Variants in SH3D19 observed in about 807,000 individuals in gnomAD.
SH3D19 encodes the protein SH3 domain containing 19.
Under a neutral mutation model 112.1 loss-of-function variants are expected in SH3D19, and 58 were observed. The observed-to-expected ratio is 0.52, with a 90% CI of 0.42 to 0.64. SH3D19 has a LOEUF of 0.64. Ranked by LOEUF, SH3D19 falls within the 30% of genes least tolerant of loss-of-function variation. The pLI, the probability that SH3D19 is intolerant of heterozygous loss-of-function variation, is 0.00. For synonymous variants in SH3D19, 391 were observed against 448.5 expected (o/e 0.87, Z 1.62); for missense variants, 1,090 against 1,263.4 (o/e 0.86, Z 2.08).
chr4:151,143,984 C>G lies in SH3D19; in HGVS notation c.2149G>C (p.Asp717His), dbSNP rs186592293. Residue 717 changes from aspartate to histidine, a missense_variant, in exon 12 of 20, where the codon GAC becomes CAC. By Grantham distance (81) the Asp-to-His change is moderately conservative. Transcript: ENST00000604030. ...NNYLECQKGE[D>H]TGRVHLSQMK... Reference sequence around the variant, plus strand: ...TGAGACAGGTGAACTCTGCCAGTGTCTTCTCCCTTTTGGCACTCCAAGTAA... The same window carrying G: ...TGAGACAGGTGAACTCTGCCAGTGTGTTCTCCCTTTTGGCACTCCAAGTAA... 15 of 1,614,118 alleles carry G rather than the reference C, an allele frequency of 9.3e-6. No homozygotes were observed. The African/African-American group carries it at 2.0e-4, about 22-fold the overall frequency.
chr4:151,193,800 A>G (rs1763001103), intron 2 of SH3D19, among the ~76,000 whole-genome samples: 1 of 152,212 alleles, frequency 6.6e-6, no homozygotes, highest in Admixed American at 6.5e-5. Context: ...AGAAAGATTA[A>G]GAACTGTGGG....
At chr4:151,279,814 A>G (rs1561425614) in intron 1 of SH3D19, 2 of 1,613,726 alleles carry the variant, frequency 1.2e-6, no homozygotes, top group Non-Finnish European at 1.7e-6. Flanking sequence ...CAACCTGTAT[A>G]CTCCAGCCGC....
intron 7 of SH3D19, among the ~76,000 whole-genome samples, chr4:151,173,033 G>A (rs879906280): frequency 2.0e-5 from 3 of 152,184 alleles, no homozygotes; most frequent in Non-Finnish European, 4.4e-5. Flanking sequence ...AAAAGGCTGA[G>A]TATGAAGCAT....
chr4:151,150,250 T>A (rs7690995), intron 9 of SH3D19, among the ~76,000 whole-genome samples: 1 of 107,160 alleles, frequency 9.3e-6, no homozygotes, highest in African/African-American at 3.7e-5. Context: ...TATATATATA[T>A]ACACACATAT....
chr4:151,139,387 C>CAG (rs1752555702), intron 13 of SH3D19, among the ~76,000 whole-genome samples: 1 of 149,472 alleles, frequency 6.7e-6, no homozygotes, highest in Non-Finnish European at 1.5e-5. Context: ...CTCCTGACCT[C>CAG]GTGATCCGCC....
At position 151,299,017 on chromosome 4, in the gene SH3D19, T is replaced by C. The variant is rs1005706179; in HGVS notation, c.112+26224A>G. Among the ~76,000 whole-genome samples the C allele has an allele frequency of 3.9e-5, 6 of 152,210 alleles. No individual in the cohort carries two copies. In the East Asian group the frequency reaches 1.2e-3, roughly 29 times the overall value. On this transcript the variant is annotated intron_variant, in intron 1 of 19. Coordinates refer to ENST00000604030, the MANE Select transcript of SH3D19 (RefSeq NM_001378122.1). ...ACCCTCTAACCTTTCTTCTCATACTTAAGGATTTGGTCATGGTCAATATGC... is the reference window on the plus strand; with the variant it reads ...ACCCTCTAACCTTTCTTCTCATACTCAAGGATTTGGTCATGGTCAATATGC...
intron 4 of SH3D19, among the ~76,000 whole-genome samples, chr4:151,177,991 C>T (rs1760221392): frequency 6.6e-6 from 1 of 152,202 alleles, no homozygotes; most frequent in Non-Finnish European, 1.5e-5. Context: ...TGCAGTGGCA[C>T]AATCATAGCT....
At chr4:151,317,007 A>G (rs1730053957) in intron 1 of SH3D19, among the ~76,000 whole-genome samples, 1 of 152,180 alleles carries the variant, frequency 6.6e-6, no homozygotes, top group Non-Finnish European at 1.5e-5. Flanking sequence ...AACACATCCC[A>G]TGTCTTCCAC....
intron 2 of SH3D19, among the ~76,000 whole-genome samples, chr4:151,204,143 GA>G (rs1362340050): frequency 1.3e-5 from 2 of 151,598 alleles, no homozygotes; most frequent in East Asian, 1.9e-4. Flanking sequence ...GAAAGTAATA[GA>G]AAAAAAACCC....
chr4:151,135,908 C>T (rs1030180985), intron 14 of SH3D19, among the ~76,000 whole-genome samples: 2 of 152,082 alleles, frequency 1.3e-5, no homozygotes, highest in African/African-American at 4.8e-5. Context: ...CAGTGGCTCA[C>T]GCCTGTAATT....
intron 2 of SH3D19, among the ~76,000 whole-genome samples, chr4:151,195,923 TA>T (rs564812901): frequency 0.01 from 1,282 of 127,662 alleles, 10 homozygotes; most frequent in African/African-American, 0.025. Context: ...GAGAAGTTCT[TA>T]AAAAAAAAAA....
chr4:151,271,009 A>T (rs1335534958), intron 1 of SH3D19, among the ~76,000 whole-genome samples: 3 of 152,034 alleles, frequency 2.0e-5, no homozygotes, highest in Non-Finnish European at 4.4e-5. Context: ...CTGCAGTCTC[A>T]ACCTCTCAAG....
At chr4:151,291,438 T>G (rs977066891) in intron 1 of SH3D19, 8 of 1,609,556 alleles carry the variant, frequency 5.0e-6, no homozygotes, top group Non-Finnish European at 6.8e-6. Context: ...GGAGATTTAG[T>G]CCCAGGGGCA....
At chr4:151,213,412 A>G (rs1487498222) in intron 2 of SH3D19, among the ~76,000 whole-genome samples, 2 of 152,126 alleles carry the variant, frequency 1.3e-5, no homozygotes, top group East Asian at 3.9e-4. Context: ...TGGGAGGTAG[A>G]GGTGGGTAGA....
Position 151,216,862 on chromosome 4 carries a change from C to T in SH3D19, c.152+9185G>A, listed in dbSNP as rs549533612. Among the ~76,000 whole-genome samples, 4 of 148,344 alleles carry T rather than the reference C, an allele frequency of 2.7e-5. No homozygotes were observed. The East Asian group carries it at 7.9e-4, about 29-fold the overall frequency. ...ATGCTAAAGTTACATTTCTGAAAACCACAACAAAACAACACTGTGTGTGTG... is the reference window on the plus strand; with the variant it reads ...ATGCTAAAGTTACATTTCTGAAAACTACAACAAAACAACACTGTGTGTGTG... On this transcript the variant is annotated intron_variant, in intron 2 of 19. Transcript: ENST00000604030.
At chr4:151,252,418 T>C (rs1771488172) in intron 1 of SH3D19, among the ~76,000 whole-genome samples, 1 of 128,860 alleles carries the variant, frequency 7.8e-6, no homozygotes, top group East Asian at 2.2e-4. Context: ...CTTTCCTCCT[T>C]GATACACTTT....
At chr4:151,222,342 T>C (rs1174248805) in intron 2 of SH3D19, among the ~76,000 whole-genome samples, 1 of 152,242 alleles carries the variant, frequency 6.6e-6, no homozygotes, top group Non-Finnish European at 1.5e-5. Context: ...TCACCAATTA[T>C]TAACAGTTTC....
intron 1 of SH3D19, among the ~76,000 whole-genome samples, chr4:151,254,286 A>AT (rs146365543): frequency 2.9e-5 from 4 of 140,342 alleles, no homozygotes; most frequent in East Asian, 2.0e-4. Flanking sequence ...TTGAATTATT[A>AT]TTTTTTTTAT....
intron 2 of SH3D19, among the ~76,000 whole-genome samples, chr4:151,223,642 C>T (rs17633600): frequency 4.6e-5 from 7 of 152,132 alleles, no homozygotes; most frequent in Admixed American, 6.5e-5. Context: ...AGCCAGTTAT[C>T]GTTTCCATCC....
Sources: gnomAD v4.1 joint callset for allele counts (sites outside exome capture counted in the v4.1 genomes callset) on GRCh38, gnomAD v4.1.1 for gene constraint, MANE v1.5 for transcripts, NCBI Gene and HGNC (gene_info 2026-07-23, HGNC 2026-07-21) for gene names.